RORA: variants seen among roughly 807,000 people sequenced by gnomAD.
RORA encodes the protein nuclear receptor ROR-alpha.
A neutral mutation model predicts 69.5 loss-of-function variants in RORA; 7 were observed. That is an observed-to-expected ratio of 0.10 (90% CI 0.06 to 0.19). The LOEUF is 0.19. Ranked by LOEUF, RORA falls within the 10% of genes least tolerant of loss-of-function variation. The pLI is 1.00. For synonymous variants in RORA, 261 were observed against 240.8 expected (o/e 1.08, Z -0.78); for missense variants, 457 against 663.0 (o/e 0.69, Z 3.41).
At chr15:60,788,550 C>T (rs1449592877) in intron 1 of RORA, among the ~76,000 whole-genome samples, 1 of 152,180 alleles carries the variant, frequency 6.6e-6, no homozygotes, top group Non-Finnish European at 1.5e-5. Flanking sequence ...GTTGCTGCAC[C>T]AAGAAGAAGC....
chr15:60,616,457 TTTG>T (rs2069247063), intron 2 of RORA, among the ~76,000 whole-genome samples: 1 of 152,192 alleles, frequency 6.6e-6, no homozygotes, highest in Non-Finnish European at 1.5e-5. Flanking sequence ...TTTTGATTTG[TTTG>T]TTGTTTTACT....
At chr15:61,139,766 T>G (rs904068331) in intron 1 of RORA, among the ~76,000 whole-genome samples, 1 of 151,932 alleles carries the variant, frequency 6.6e-6, no homozygotes, top group Non-Finnish European at 1.5e-5. Flanking sequence ...AGAGACAGAG[T>G]GAGTTTAAGA....
intron 1 of RORA, among the ~76,000 whole-genome samples, chr15:60,798,800 T>C (rs1436020339): frequency 1.3e-5 from 2 of 152,154 alleles, no homozygotes. Flanking sequence ...TGACCCCTAA[T>C]TTCCTTCTAA....
chr15:60,699,600 C>A (rs1046492800), intron 1 of RORA, among the ~76,000 whole-genome samples: 1 of 152,182 alleles, frequency 6.6e-6, no homozygotes, highest in Non-Finnish European at 1.5e-5. Flanking sequence ...TTTGGGGCAT[C>A]TACTTCTTAA....
At chr15:60,880,002 A>C (rs1424319736) in intron 1 of RORA, among the ~76,000 whole-genome samples, 1 of 152,204 alleles carries the variant, frequency 6.6e-6, no homozygotes, top group Non-Finnish European at 1.5e-5. Context: ...TCCTGTAAGC[A>C]TGCTTTGAAG....
intron 1 of RORA, among the ~76,000 whole-genome samples, chr15:60,901,104 A>G (rs1595803399): frequency 6.6e-6 from 1 of 152,198 alleles, no homozygotes; most frequent in African/African-American, 2.4e-5. Context: ...TCATTTACTC[A>G]GTAATGGACA....
intron 1 of RORA, among the ~76,000 whole-genome samples, chr15:61,135,032 T>G (rs1266845932): frequency 6.8e-6 from 1 of 147,440 alleles, no homozygotes; most frequent in African/African-American, 2.5e-5. Context: ...AGCAAAAAAA[T>G]AGCAGTGGCT....
In RORA at chr15:60,948,673, A is replaced by G. The variant is rs536644617; in HGVS notation, c.167-269987T>C. 4.6e-5 allele frequency among the ~76,000 whole-genome samples: 7 copies of G among 152,246 alleles called. No homozygotes were observed. The South Asian group carries it at 1.4e-3, about 31-fold the overall frequency. ...CTTAGACAAGTTATGTGACTTGGTG[A>G]AGATAATAGAAATATTAAGGGAAAG... On this transcript the variant is annotated intron_variant, in intron 1 of 10. Coordinates refer to ENST00000335670, the MANE Select transcript of RORA (RefSeq NM_134261.3).
chr15:60,597,994 T>G (rs2068734647), intron 2 of RORA, among the ~76,000 whole-genome samples: 1 of 152,066 alleles, frequency 6.6e-6, no homozygotes, highest in Non-Finnish European at 1.5e-5. Context: ...TAGATGAAGT[T>G]GGGCTCAAAA....
At chr15:60,702,057 A>C (rs2070989415) in intron 1 of RORA, among the ~76,000 whole-genome samples, 1 of 152,226 alleles carries the variant, frequency 6.6e-6, no homozygotes, top group Non-Finnish European at 1.5e-5. Context: ...GAGGTAGTTT[A>C]GGATTATAGC....
intron 1 of RORA, among the ~76,000 whole-genome samples, chr15:60,926,759 G>A (rs146323917): frequency 7.9e-5 from 12 of 152,250 alleles, no homozygotes; most frequent in East Asian, 5.8e-4. Context: ...GAAATATCCC[G>A]CATCATAAAC....
At chr15:60,838,107 G>C (rs2073142960) in intron 1 of RORA, among the ~76,000 whole-genome samples, 1 of 152,156 alleles carries the variant, frequency 6.6e-6, no homozygotes, top group African/African-American at 2.4e-5. Context: ...TACTGCCTCT[G>C]AGATCCACTC....
intron 1 of RORA, among the ~76,000 whole-genome samples, chr15:61,006,460 C>T (rs1894917609): frequency 6.6e-6 from 1 of 152,164 alleles, no homozygotes; most frequent in African/African-American, 2.4e-5. Flanking sequence ...AGATAATTTT[C>T]CCCTGGGTGT....
intron 2 of RORA, among the ~76,000 whole-genome samples, chr15:60,643,760 A>T (rs1307865161): frequency 6.6e-6 from 1 of 152,186 alleles, no homozygotes; most frequent in East Asian, 1.9e-4. Flanking sequence ...AAATGAGCCC[A>T]TTTTATTTTT....
At chr15:60,623,453 G>A (rs142831247) in intron 2 of RORA, among the ~76,000 whole-genome samples, 67 of 152,250 alleles carry the variant, frequency 4.4e-4, no homozygotes, top group African/African-American at 1.6e-3. Flanking sequence ...TTTACCCAGG[G>A]CTGATATACC....
At chr15:61,029,480 T>C (rs538257512) in intron 1 of RORA, among the ~76,000 whole-genome samples, 1 of 152,170 alleles carries the variant, frequency 6.6e-6, no homozygotes, top group South Asian at 2.1e-4. Flanking sequence ...AAGGACACAA[T>C]GGAATTTACA....
chr15:60,970,295 C>CTCTGG (rs1893676794), intron 1 of RORA, among the ~76,000 whole-genome samples: 1 of 152,258 alleles, frequency 6.6e-6, no homozygotes, highest in South Asian at 2.1e-4. Context: ...TCAGCATGCT[C>CTCTGG]TCTGGTTCTC....
chr15:61,145,769 A>G (rs2079340294), intron 1 of RORA, among the ~76,000 whole-genome samples: 2 of 152,154 alleles, frequency 1.3e-5, no homozygotes. Flanking sequence ...GCCATCAGAA[A>G]AACGATCAGG....
chr15:61,058,736 ACACACTGTATCAT>A (rs923084740), intron 1 of RORA, among the ~76,000 whole-genome samples: 10 of 152,178 alleles, frequency 6.6e-5, no homozygotes, highest in African/African-American at 1.2e-4. Flanking sequence ...ACCAGATAGA[ACACACTGTATCAT>A]CACACTGTAT....
Sources: allele counts gnomAD v4.1 joint callset (sites outside exome capture counted in the v4.1 genomes callset), GRCh38; gene constraint gnomAD v4.1.1; transcripts MANE v1.5; gene names NCBI Gene and HGNC (gene_info 2026-07-23, HGNC 2026-07-21).